The following OAS1 variants were observed in gnomAD, a reference collection of about 807,000 sequenced individuals.
OAS1 encodes 2'-5'-oligoadenylate synthase 1.
OAS1 carries 24 observed loss-of-function variants against 38.5 expected under a neutral mutation model. The ratio of observed to expected loss-of-function variants is 0.62; its 90% CI spans 0.45 to 0.88. The LOEUF is 0.88. Among genes scored for constraint, OAS1 ranks in the 40% least tolerant of loss-of-function variants. The pLI is 0.00. For synonymous variants in OAS1, 169 were observed against 193.9 expected, an observed-to-expected ratio of 0.87 and a Z score of 1.07; for missense variants, 482 against 493.9, an observed-to-expected ratio of 0.98 and a Z score of 0.23.
downstream of OAS1, among the ~76,000 whole-genome samples, chr12:112,922,152 A>G (rs1479456947): frequency 6.6e-6 from 1 of 152,118 alleles, no homozygotes; most frequent in Non-Finnish European, 1.5e-5. Context: ...CCAGTGTATC[A>G]TCCTCTGAAT....
intron 4 of OAS1, chr12:112,917,069 C>T (rs1249438845): frequency 4.6e-5 from 16 of 348,104 alleles, no homozygotes; most frequent in Non-Finnish European, 5.4e-5. Context: ...AGTAATTGCT[C>T]CCAGGTATTG....
intron 1 of OAS1, among the ~76,000 whole-genome samples, chr12:112,908,037 G>T (rs752012723): frequency 1.3e-5 from 2 of 152,166 alleles, no homozygotes; most frequent in Admixed American, 6.5e-5. Flanking sequence ...ATGTATAACT[G>T]TGGATTTGTT....
intron 4 of OAS1, chr12:112,917,091 T>C (rs1414305727): frequency 2.9e-6 from 1 of 344,756 alleles, no homozygotes; most frequent in Non-Finnish European, 5.4e-6. Flanking sequence ...AAGCTTGTTG[T>C]AAGACTAACA....
intron 6 of OAS1, among the ~76,000 whole-genome samples, chr12:112,925,282 C>T (rs1028574843): frequency 6.6e-6 from 1 of 152,064 alleles, no homozygotes; most frequent in South Asian, 2.1e-4. Context: ...TGAACTCTCC[C>T]ACACCCTCCC....
At chr12:112,910,274 A>G (rs2043357056) in intron 2 of OAS1, among the ~76,000 whole-genome samples, 1 of 152,154 alleles carries the variant, frequency 6.6e-6, no homozygotes, top group South Asian at 2.1e-4. Flanking sequence ...AGGCTGAGGC[A>G]GGAGAATTGC....
At chr12:112,924,467 T>TAA (rs72345680), downstream of OAS1, among the ~76,000 whole-genome samples, 1 of 12,620 alleles carries the variant, frequency 7.9e-5, no homozygotes, top group African/African-American at 4.5e-3. Context: ...ATCTATATTT[T>TAA]ATATATATAT....
intron 6 of OAS1, among the ~76,000 whole-genome samples, chr12:112,928,058 A>G (rs1015610252): frequency 6.6e-6 from 1 of 152,194 alleles, no homozygotes; most frequent in African/African-American, 2.4e-5. Context: ...CACTGCATAA[A>G]GTGACGTATT....
At chr12:112,930,071 T>C (rs533636650) in intron 6 of OAS1, among the ~76,000 whole-genome samples, 34 of 152,220 alleles carry the variant, frequency 2.2e-4, no homozygotes, top group African/African-American at 7.7e-4. Flanking sequence ...CTTGGTGCTA[T>C]CCTTATGATA....
rs1270042850 is a variant in OAS1, at chr12:112,907,066, C to T, written c.27C>T (p.Ala9=). ...TGATGGATCTCAGAAATACCCCAGCCAAATCTCTGGACAAGTTCATTGAAG... is the reference window on the plus strand; with the variant it reads ...TGATGGATCTCAGAAATACCCCAGCTAAATCTCTGGACAAGTTCATTGAAG... MMDLRNTP[A]KSLDKFIEDY... is the part of the protein sequence containing the mutation. Residue 9 remains alanine, a synonymous_variant, in exon 1 of 6, where the codon GCC becomes GCT. Coordinates refer to ENST00000202917, the MANE Select transcript of OAS1 (RefSeq NM_016816.4). 2 of 1,614,092 alleles carry T rather than the reference C, an allele frequency of 1.2e-6. No individual in the cohort carries two copies. The highest frequency in any genetic ancestry group is 1.7e-6 in the Non-Finnish European group (2 of 1,180,054).
chr12:112,926,388 A>G (rs554227436), intron 6 of OAS1, among the ~76,000 whole-genome samples: 15 of 152,310 alleles, frequency 9.8e-5, no homozygotes, highest in Admixed American at 3.3e-4. Flanking sequence ...CGATATTTCA[A>G]TGTAGGTTCT....
chr12:112,907,798 G>A (rs1257594806), intron 1 of OAS1: 2 of 152,472 alleles, frequency 1.3e-5, no homozygotes, highest in African/African-American at 2.4e-5. Flanking sequence ...ACAAACGTGA[G>A]CTTGGAGCAA....
In OAS1 at chr12:112,917,777, T is replaced by C. The variant is rs2043483904; in HGVS notation, c.1038+77T>C. On this transcript the variant is annotated intron_variant, in intron 5 of 5. Transcript: ENST00000202917. The stretch of plus-strand genomic sequence containing the variant: ...GCTTGAGACATATAGCTGGAGACCA[T>C]TCTTTCCAAAGAACTTACCTCTTGC... 4 of 1,614,010 alleles carry C rather than the reference T, an allele frequency of 2.5e-6. No individual in the cohort carries two copies. The African/African-American group carries it at 5.3e-5, about 22-fold the overall frequency.
At chr12:112,907,742 C>A (rs920958164) in intron 1 of OAS1, 1 of 153,090 alleles carries the variant, frequency 6.5e-6, no homozygotes, top group Non-Finnish European at 1.5e-5. Flanking sequence ...TGAATTAGTA[C>A]CCAAGGTTCT....
rs1188625629 is a variant in OAS1 at position 112,908,805 on chromosome 12, G to C, written c.450G>C (p.Leu150=). ...GGGAGGGGGTGGAGTTCGATGTGCT[G>C]CCTGCCTTTGATGCCCTGGGTGAGA... The part of the protein sequence containing the change: ...QLGEGVEFDV[L]PAFDALGQLT... The change falls in exon 2 of 6, where the codon CTG becomes CTC. Residue 150 remains leucine (L), a synonymous_variant. Transcript: ENST00000202917. 6.3e-7 allele frequency: 1 copy of C among 1,597,354 alleles called. No individual in the cohort carries two copies. The highest frequency in any genetic ancestry group is 8.5e-7 in the Non-Finnish European group (1 of 1,169,642).
At chr12:112,920,090 A>G (rs74616969), downstream of OAS1, among the ~76,000 whole-genome samples, 138 of 152,340 alleles carry the variant, frequency 9.1e-4, 4 homozygotes, top group South Asian at 5.0e-3. Context: ...CCCTGTCCTC[A>G]TGACCCTGCA....
chr12:112,931,762 T>G, intron 6 of OAS1: 1 of 550,584 alleles, frequency 1.8e-6, no homozygotes, highest in Non-Finnish European at 3.2e-6. Flanking sequence ...AAATAAGACC[T>G]AGGGTCTCCT....
chr12:112,924,468 A>ATG (rs2043547441), downstream of OAS1, among the ~76,000 whole-genome samples: 1 of 151,436 alleles, frequency 6.6e-6, no homozygotes, highest in African/African-American at 2.4e-5. Flanking sequence ...TCTATATTTT[A>ATG]TATATATATC....
At chr12:112,911,015 G>T (rs777558846) in intron 2 of OAS1, 36 bp from the exon 3 acceptor site, 1 of 1,584,382 alleles carries the variant, frequency 6.3e-7, no homozygotes, top group Non-Finnish European at 8.6e-7. Flanking sequence ...ATTCAGAGAA[G>T]AGCTGACACC....
chr12:112,910,600 A>G (rs544781763), intron 2 of OAS1, among the ~76,000 whole-genome samples: 2 of 152,200 alleles, frequency 1.3e-5, no homozygotes, highest in East Asian at 3.9e-4. Context: ...TGACCATGGC[A>G]CATTTGAGGA....
Sources: allele counts gnomAD v4.1 joint callset (sites outside exome capture counted in the v4.1 genomes callset), GRCh38; gene constraint gnomAD v4.1.1; transcripts MANE v1.5; gene names NCBI Gene and HGNC (gene_info 2026-07-23, HGNC 2026-07-21).